Variants in LRP1B observed in about 807,000 individuals in gnomAD.
The protein encoded by LRP1B is low-density lipoprotein receptor-related protein 1B.
A neutral mutation model predicts 556.6 loss-of-function variants in LRP1B; 217 were observed. The observed-to-expected ratio is 0.39, with a 90% CI of 0.35 to 0.44. LRP1B has a LOEUF of 0.44. LRP1B is among the 20% of genes least tolerant of loss of function. The pLI, the probability that LRP1B is intolerant of heterozygous loss-of-function variation, is 1.00. For missense variants in LRP1B, 5,053 were observed against 5,620.8 expected (o/e 0.90, Z 3.23); for synonymous variants, 2,047 against 1,865.8 (o/e 1.10, Z -2.50).
rs191358872 is a variant in LRP1B at position 141,695,500 on chromosome 2, T to A, written c.205+114779A>T. ...TAAATTTATAAAGCAAGTATTGTTA[T>A]CCCCACTTTGAAGATGAGGAAGGCT... On this transcript the variant is annotated intron_variant, in intron 2 of 90. Transcript: ENST00000389484. 8.5e-5 allele frequency among the ~76,000 whole-genome samples: 13 copies of A among 152,092 alleles called. No homozygotes were observed. The East Asian group carries it at 2.5e-3, about 30-fold the overall frequency.
chr2:142,050,712 T>C (rs778967960), intron 1 of LRP1B, among the ~76,000 whole-genome samples: 4 of 152,086 alleles, frequency 2.6e-5, no homozygotes, highest in African/African-American at 9.7e-5. Context: ...GAAGTAAAAC[T>C]CCCACCTATG....
chr2:140,301,160 C>T lies in LRP1B; in HGVS notation c.12806-3191G>A, dbSNP rs118080475. ...CTTTGAAGAATGAGTCTTTCTTCCC[C>T]CTTTAGCTTCTAAATATGCTCGATT... On this transcript the variant is annotated intron_variant, in intron 83 of 90. Transcript: ENST00000389484. Among the ~76,000 whole-genome samples, 226 of 152,146 alleles carry T rather than the reference C, an allele frequency of 1.5e-3. 11 individuals carry two copies. The East Asian group carries it at 0.042, about 28-fold the overall frequency.
chr2:141,997,028 ATC>A (rs1702511141), intron 1 of LRP1B, among the ~76,000 whole-genome samples: 1 of 152,130 alleles, frequency 6.6e-6, no homozygotes, highest in African/African-American at 2.4e-5. Context: ...CACTCTGCAG[ATC>A]TGTCACTGCC....
chr2:140,828,941 A>T (rs1691620728), intron 31 of LRP1B, among the ~76,000 whole-genome samples: 1 of 152,092 alleles, frequency 6.6e-6, no homozygotes, highest in Non-Finnish European at 1.5e-5. Flanking sequence ...GGAAGAAGAT[A>T]GCCCATGTAA....
intron 82 of LRP1B, among the ~76,000 whole-genome samples, chr2:140,320,869 C>T (rs1020498718): frequency 1.3e-5 from 2 of 151,398 alleles, no homozygotes; most frequent in African/African-American, 2.4e-5. Flanking sequence ...ATGGCAATAT[C>T]CCATCTCTAC....
intron 41 of LRP1B, among the ~76,000 whole-genome samples, chr2:140,672,166 T>C (rs1685507162): frequency 6.6e-6 from 1 of 152,082 alleles, no homozygotes; most frequent in African/African-American, 2.4e-5. Flanking sequence ...GACATTTCTG[T>C]TCAAAAATGG....
chr2:140,835,019 T>C (rs1440979765), intron 31 of LRP1B, among the ~76,000 whole-genome samples: 1 of 152,224 alleles, frequency 6.6e-6, no homozygotes, highest in East Asian at 1.9e-4. Flanking sequence ...ACTATAAGTA[T>C]GTAAGTAACA....
At chr2:141,148,245 A>G (rs754660781) in intron 7 of LRP1B, among the ~76,000 whole-genome samples, 8 of 152,292 alleles carry the variant, frequency 5.3e-5, no homozygotes, top group South Asian at 2.1e-4. Context: ...CTGGTGTCCA[A>G]TGAGGTCAGT....
chr2:141,239,836 T>A (rs1471577436), intron 5 of LRP1B, among the ~76,000 whole-genome samples: 4 of 151,994 alleles, frequency 2.6e-5, no homozygotes, highest in Non-Finnish European at 5.9e-5. Flanking sequence ...AAAGTAAAGG[T>A]CATTTAATAT....
rs867222129 is a variant in LRP1B at position 141,114,116 on chromosome 2, C to T, written c.1014-51843G>A. ...GCCACAGGGGTGTGGCTCGTTTGCT[C>T]GGCTGCCATGTGCTCAAACCCCTTA... On this transcript the variant is annotated intron_variant, in intron 7 of 90. Coordinates refer to ENST00000389484, the MANE Select transcript of LRP1B (RefSeq NM_018557.3). Among the ~76,000 whole-genome samples the T allele has an allele frequency of 5.0e-4, 76 of 152,340 alleles. 1 individual carries two copies. The highest frequency in any genetic ancestry group is 8.3e-4 in the South Asian group (4 of 4,832).
intron 18 of LRP1B, among the ~76,000 whole-genome samples, chr2:140,976,713 G>A (rs563781841): frequency 6.6e-6 from 1 of 151,790 alleles, no homozygotes; most frequent in South Asian, 2.1e-4. Flanking sequence ...GTTTCACCAT[G>A]TTTGCCAGGT....
chr2:141,376,282 G>A (rs1026879274), intron 3 of LRP1B, among the ~76,000 whole-genome samples: 1 of 152,154 alleles, frequency 6.6e-6, no homozygotes, highest in Admixed American at 6.5e-5. Flanking sequence ...TGAGTCTAGG[G>A]TGTCTCCTAT....
chr2:140,671,869 C>G (rs1685497999), intron 41 of LRP1B, among the ~76,000 whole-genome samples: 1 of 152,114 alleles, frequency 6.6e-6, no homozygotes, highest in African/African-American at 2.4e-5. Context: ...GCAGTTGTTC[C>G]TGGTTCTCAA....
chr2:141,286,054 G>T, intron 3 of LRP1B, among the ~76,000 whole-genome samples: 1 of 112,578 alleles, frequency 8.9e-6, no homozygotes. Context: ...GTGACAGAGC[G>T]AGACTCCGTC....
At chr2:141,026,513 T>C (rs544830388) in intron 11 of LRP1B, among the ~76,000 whole-genome samples, 1 of 152,188 alleles carries the variant, frequency 6.6e-6, no homozygotes, top group African/African-American at 2.4e-5. Context: ...ACAATTACCA[T>C]GGCATAGAAC....
At chr2:141,910,673 G>C (rs1699886038) in intron 1 of LRP1B, among the ~76,000 whole-genome samples, 1 of 152,034 alleles carries the variant, frequency 6.6e-6, no homozygotes, top group African/African-American at 2.4e-5. Flanking sequence ...AGTGCATAGA[G>C]CTGTGTATTA....
intron 31 of LRP1B, among the ~76,000 whole-genome samples, chr2:140,818,206 A>G (rs1261485369): frequency 4.6e-5 from 7 of 152,280 alleles, no homozygotes; most frequent in Admixed American, 3.9e-4. Flanking sequence ...TAGACACACT[A>G]TGAATATTAA....
At chr2:140,873,474 T>C (rs1693204968) in intron 25 of LRP1B, among the ~76,000 whole-genome samples, 1 of 151,962 alleles carries the variant, frequency 6.6e-6, no homozygotes, top group Admixed American at 6.6e-5. Flanking sequence ...AACTAAGTAA[T>C]ACAAATACAA....
intron 25 of LRP1B, among the ~76,000 whole-genome samples, chr2:140,875,553 G>A (rs1431769104): frequency 5.5e-4 from 84 of 151,948 alleles, no homozygotes; most frequent in Non-Finnish European, 8.8e-5. Context: ...TTATCACTTT[G>A]GTCAAATGAA....
Sources: allele counts gnomAD v4.1 joint callset (sites outside exome capture counted in the v4.1 genomes callset), GRCh38; gene constraint gnomAD v4.1.1; transcripts MANE v1.5; gene names NCBI Gene and HGNC (gene_info 2026-07-23, HGNC 2026-07-21).